Variants in EYA3 observed in about 807,000 individuals in gnomAD.
EYA3 encodes the protein EYA transcriptional coactivator and phosphatase 3, also known as protein phosphatase EYA3.
Under a neutral mutation model 80.0 loss-of-function variants are expected in EYA3, and 39 were observed. The ratio of observed to expected loss-of-function variants is 0.49; its 90% CI spans 0.38 to 0.64. EYA3 has a LOEUF of 0.64. Ranked by LOEUF, EYA3 falls within the 30% of genes least tolerant of loss-of-function variation. The pLI, the probability that EYA3 is intolerant of heterozygous loss-of-function variation, is 0.00. For missense variants in EYA3, 523 were observed against 676.1 expected (o/e 0.77, Z 2.51); for synonymous variants, 206 against 232.8 (o/e 0.88, Z 1.05).
At chr1:28,080,401 G>A (rs1305237141) in intron 1 of EYA3, among the ~76,000 whole-genome samples, 1 of 152,168 alleles carries the variant, frequency 6.6e-6, no homozygotes, top group East Asian at 1.9e-4. Context: ...AGGCTGCAGT[G>A]AGCCGTGATA....
At chr1:28,050,199 A>T (rs139162912) in intron 2 of EYA3, among the ~76,000 whole-genome samples, 40,051 of 134,430 alleles carry the variant, frequency 0.3, 5,788 homozygotes, top group Non-Finnish European at 0.32. Context: ...TATTATTATT[A>T]TTATTTTTTT....
chr1:28,076,437 G>A (rs574480282), intron 1 of EYA3, among the ~76,000 whole-genome samples: 114 of 152,118 alleles, frequency 7.5e-4, no homozygotes, highest in African/African-American at 2.6e-3. Flanking sequence ...TCGGCCAGGC[G>A]TGGTGGCTCA....
chr1:28,006,428 C>A (rs555889500), intron 10 of EYA3, among the ~76,000 whole-genome samples: 11 of 152,186 alleles, frequency 7.2e-5, no homozygotes, highest in Admixed American at 4.6e-4. Flanking sequence ...CATAACTAGC[C>A]GGGCGCGGTG....
At chr1:28,068,294 C>T (rs995884046) in intron 1 of EYA3, among the ~76,000 whole-genome samples, 6 of 149,928 alleles carry the variant, frequency 4.0e-5, no homozygotes, top group South Asian at 2.1e-4. Flanking sequence ...ATCGCACCAC[C>T]GCACTCCAGC....
At chr1:27,986,075 A>T (rs1439735798) in intron 16 of EYA3, among the ~76,000 whole-genome samples, 1 of 152,144 alleles carries the variant, frequency 6.6e-6, no homozygotes, top group Non-Finnish European at 1.5e-5. Context: ...CTTTAAAACA[A>T]AAAATTTTGG....
chr1:28,024,288 T>A (rs999453067), intron 7 of EYA3, among the ~76,000 whole-genome samples: 1 of 151,416 alleles, frequency 6.6e-6, no homozygotes, highest in Non-Finnish European at 1.5e-5. Context: ...AATAAAAATT[T>A]TTTTAAAAAT....
At chr1:27,974,602 A>C in intron 17 of EYA3, 56 bp from the exon 18 acceptor site, 1 of 1,461,324 alleles carries the variant, frequency 6.8e-7, no homozygotes, top group Non-Finnish European at 9.6e-7. Context: ...GCTTATATAA[A>C]TATTTGCCCA....
intron 11 of EYA3, among the ~76,000 whole-genome samples, chr1:28,002,318 G>A (rs1486438957): frequency 6.6e-6 from 1 of 151,956 alleles, no homozygotes; most frequent in Non-Finnish European, 1.5e-5. Context: ...CAAAGTGCTG[G>A]GATTACAGGC....
chr1:28,081,209 G>T (rs1645416408), intron 1 of EYA3, among the ~76,000 whole-genome samples: 1 of 152,044 alleles, frequency 6.6e-6, no homozygotes, highest in African/African-American at 2.4e-5. Flanking sequence ...AAAATACATA[G>T]AAATGAAAGC....
At chr1:28,066,528 T>C (rs984852227) in intron 1 of EYA3, among the ~76,000 whole-genome samples, 8 of 151,824 alleles carry the variant, frequency 5.3e-5, no homozygotes, top group African/African-American at 1.9e-4. Context: ...ATGCAAAAAA[T>C]ATCCACATCA....
intron 1 of EYA3, among the ~76,000 whole-genome samples, chr1:28,065,349 T>C (rs576120318): frequency 9.7e-4 from 148 of 152,234 alleles, no homozygotes; most frequent in Admixed American, 2.1e-3. Context: ...CTCAGCTCAC[T>C]GCAACCTCCG....
intron 5 of EYA3, 92 bp downstream of exon 5, chr1:28,038,747 A>T: frequency 1.5e-6 from 1 of 657,394 alleles, no homozygotes. Flanking sequence ...AATAATTTAA[A>T]TATCTATTAT....
chr1:28,029,901 A>G (rs1435526832), intron 6 of EYA3, among the ~76,000 whole-genome samples: 1 of 151,986 alleles, frequency 6.6e-6, no homozygotes, highest in Non-Finnish European at 1.5e-5. Flanking sequence ...GGCCCCAAAA[A>G]TCTTAATGCC....
chr1:28,087,883 G>A (rs927452234), intron 1 of EYA3, among the ~76,000 whole-genome samples: 3 of 152,220 alleles, frequency 2.0e-5, no homozygotes, highest in Non-Finnish European at 2.9e-5. Context: ...AACTATGGAA[G>A]CTACCAGAGT....
chr1:28,055,462 C>CTTTTTTTTTTTTTTTTTT (rs531586344), intron 2 of EYA3, among the ~76,000 whole-genome samples: 1 of 106,952 alleles, frequency 9.3e-6, no homozygotes, highest in African/African-American at 3.8e-5. Context: ...TAAAGAAAAT[C>CTTTTTTTTTTTTTTTTTT]TTTTTTTTTT....
At chr1:28,052,096 C>T (rs1050643161) in intron 2 of EYA3, among the ~76,000 whole-genome samples, 2 of 152,216 alleles carry the variant, frequency 1.3e-5, no homozygotes, top group African/African-American at 2.4e-5. Context: ...GCAACCTCCA[C>T]CTCCTGGGTT....
intron 16 of EYA3, among the ~76,000 whole-genome samples, chr1:27,978,962 AAAAC>A (rs767368662): frequency 2.0e-4 from 31 of 152,328 alleles, no homozygotes; most frequent in African/African-American, 7.0e-4. Context: ...ACTCTGTCTC[AAAAC>A]AAACAAACAA....
At chr1:28,005,584 G>A (rs1261780408) in intron 10 of EYA3, among the ~76,000 whole-genome samples, 1 of 151,782 alleles carries the variant, frequency 6.6e-6, no homozygotes, top group Non-Finnish European at 1.5e-5. Flanking sequence ...TTCCGGTGGT[G>A]CATGCCGGTA....
intron 1 of EYA3, among the ~76,000 whole-genome samples, chr1:28,062,573 G>A (rs1644669026): frequency 6.6e-6 from 1 of 151,854 alleles, no homozygotes; most frequent in Admixed American, 6.6e-5. Flanking sequence ...CCCTGTAAAT[G>A]TAAATGGCCA....
Sources: gnomAD v4.1 joint callset for allele counts (sites outside exome capture counted in the v4.1 genomes callset) on GRCh38, gnomAD v4.1.1 for gene constraint, MANE v1.5 for transcripts, NCBI Gene and HGNC (gene_info 2026-07-23, HGNC 2026-07-21) for gene names.